Variants in PTPN11 observed in about 807,000 individuals in gnomAD.
The protein encoded by PTPN11 is protein tyrosine phosphatase non-receptor type 11, also known as tyrosine-protein phosphatase non-receptor type 11.
PTPN11 carries 6 observed loss-of-function variants against 78.8 expected under a neutral mutation model. The observed-to-expected ratio is 0.08, with a 90% confidence interval of 0.04 to 0.15. The LOEUF (loss-of-function observed/expected upper bound fraction) is 0.15, where lower values mean the gene tolerates loss of function less well. Among genes scored for constraint, PTPN11 ranks in the 10% least tolerant of loss-of-function variants. PTPN11 has a pLI of 1.00. For synonymous variants in PTPN11, 221 were observed against 263.5 expected, an observed-to-expected ratio of 0.84 and a Z score of 1.56; for missense variants, 386 against 744.8, an observed-to-expected ratio of 0.52 and a Z score of 5.61.
intron 4 of PTPN11, among the ~76,000 whole-genome samples, 178 bp downstream of exon 4, chr12:112,453,565 T>C (rs934492999): frequency 6.6e-6 from 1 of 152,088 alleles, no homozygotes; most frequent in Non-Finnish European, 1.5e-5. Context: ...TTTCACCACG[T>C]TGGGTCTGGT....
chr12:112,473,278 G>A (rs1015901013), intron 7 of PTPN11, among the ~76,000 whole-genome samples: 8 of 152,136 alleles, frequency 5.3e-5, no homozygotes, highest in Non-Finnish European at 1.0e-4. Flanking sequence ...TCTGTGGTTG[G>A]TTCCTTCTGT....
intron 13 of PTPN11, among the ~76,000 whole-genome samples, chr12:112,491,150 G>A (rs1419890901): frequency 6.6e-6 from 1 of 152,016 alleles, no homozygotes; most frequent in Non-Finnish European, 1.5e-5. Flanking sequence ...TCAGATGTGG[G>A]AATCCAGGGG....
chr12:112,492,310 G>A (rs997866495), intron 13 of PTPN11, among the ~76,000 whole-genome samples: 25 of 151,988 alleles, frequency 1.6e-4, no homozygotes, highest in Non-Finnish European at 3.2e-4. Context: ...TTTGTCCACC[G>A]TAAAGTTACT....
intron 1 of PTPN11, among the ~76,000 whole-genome samples, chr12:112,440,406 T>C (rs947038982): frequency 9.9e-5 from 15 of 151,476 alleles, no homozygotes; most frequent in Admixed American, 5.9e-4. Context: ...CCCGAGTAGC[T>C]GGGATTACAG....
intron 1 of PTPN11, among the ~76,000 whole-genome samples, chr12:112,426,457 A>G (rs1183623593): frequency 6.6e-6 from 1 of 152,150 alleles, no homozygotes; most frequent in East Asian, 1.9e-4. Context: ...GGGTTTCACC[A>G]TGTTGGCCAG....
chr12:112,495,384 A>G (rs767894256), intron 13 of PTPN11, among the ~76,000 whole-genome samples: 2 of 152,192 alleles, frequency 1.3e-5, no homozygotes, highest in Admixed American at 6.5e-5. Context: ...TTTTAAGAGT[A>G]CTGGTCAGAT....
At chr12:112,486,819 C>A in intron 11 of PTPN11, 190 bp downstream of exon 11, 2 of 1,454,166 alleles carry the variant, frequency 1.4e-6, no homozygotes, top group Non-Finnish European at 1.8e-6. Flanking sequence ...TACAGCACTG[C>A]CATTGGCCAT....
chr12:112,485,002 T>C (rs1165559341), intron 10 of PTPN11, among the ~76,000 whole-genome samples: 2 of 152,212 alleles, frequency 1.3e-5, no homozygotes, highest in Admixed American at 1.3e-4. Flanking sequence ...GGCTCATGCC[T>C]GTAATCCCTG....
At chr12:112,493,578 G>C (rs1409200229) in intron 13 of PTPN11, among the ~76,000 whole-genome samples, 1 of 151,612 alleles carries the variant, frequency 6.6e-6, no homozygotes, top group Non-Finnish European at 1.5e-5. Flanking sequence ...TAGTAGAGAT[G>C]GGGGTTCACC....
intron 1 of PTPN11, among the ~76,000 whole-genome samples, chr12:112,443,646 G>T (rs1194877103): frequency 4.0e-5 from 6 of 149,330 alleles, no homozygotes; most frequent in Non-Finnish European, 5.9e-5. Context: ...GAGCCACTGT[G>T]CCCGGTCTTT....
At chr12:112,498,163 CAAAA>C (rs1044647226) in intron 13 of PTPN11, among the ~76,000 whole-genome samples, 1 of 149,852 alleles carries the variant, frequency 6.7e-6, no homozygotes, top group Non-Finnish European at 1.5e-5. Flanking sequence ...AAAAAAAAAA[CAAAA>C]AACCCCTCAT....
intron 1 of PTPN11, among the ~76,000 whole-genome samples, chr12:112,419,817 GTACCCGT>G (rs2037493581): frequency 6.6e-6 from 1 of 152,118 alleles, no homozygotes; most frequent in Admixed American, 6.6e-5. Flanking sequence ...CACTTTACTG[GTACCCGT>G]TTTATGGATG....
intron 6 of PTPN11, among the ~76,000 whole-genome samples, chr12:112,459,647 A>G (rs1186205150): frequency 6.6e-6 from 1 of 151,626 alleles, no homozygotes; most frequent in African/African-American, 2.4e-5. Flanking sequence ...TTGTATTTTT[A>G]GTAGGGACAG....
At chr12:112,452,249 A>G (rs2038089298) in intron 3 of PTPN11, among the ~76,000 whole-genome samples, 1 of 149,164 alleles carries the variant, frequency 6.7e-6, no homozygotes, top group South Asian at 2.1e-4. Context: ...TTTTTTTGAG[A>G]TGGAGTTTCG....
intron 1 of PTPN11, among the ~76,000 whole-genome samples, chr12:112,439,433 A>G (rs577928959): frequency 3.7e-4 from 57 of 152,154 alleles, no homozygotes; most frequent in Non-Finnish European, 6.0e-4. Flanking sequence ...AGCTGGGATT[A>G]CAGTTGCCAG....
At chr12:112,451,944 C>G (rs188532728) in intron 3 of PTPN11, among the ~76,000 whole-genome samples, 1 of 152,092 alleles carries the variant, frequency 6.6e-6, no homozygotes, top group Non-Finnish European at 1.5e-5. Flanking sequence ...GACGCGATCT[C>G]GGCTCACTAC....
At chr12:112,427,410 G>T (rs1474518861) in intron 1 of PTPN11, among the ~76,000 whole-genome samples, 1 of 151,706 alleles carries the variant, frequency 6.6e-6, no homozygotes, top group Non-Finnish European at 1.5e-5. Context: ...GCCAGGCCTG[G>T]TGGTGGGTGC....
intron 13 of PTPN11, among the ~76,000 whole-genome samples, chr12:112,490,064 C>G (rs2038727359): frequency 6.6e-6 from 1 of 152,134 alleles, no homozygotes; most frequent in African/African-American, 2.4e-5. Flanking sequence ...TAGACATCTT[C>G]AGAAACAGTG....
intron 2 of PTPN11, among the ~76,000 whole-genome samples, chr12:112,447,842 C>T (rs2038019327): frequency 1.3e-5 from 2 of 148,168 alleles, no homozygotes; most frequent in Admixed American, 1.4e-4. Context: ...GCTCTTTTTC[C>T]CAGGCTGGAG....
Sources: allele counts gnomAD v4.1 joint callset (sites outside exome capture counted in the v4.1 genomes callset), GRCh38; gene constraint gnomAD v4.1.1; transcripts MANE v1.5; gene names NCBI Gene and HGNC (gene_info 2026-07-23, HGNC 2026-07-21).